The following DCDC1 variants were observed in gnomAD, a reference collection of about 807,000 sequenced individuals.
The protein encoded by DCDC1 is doublecortin domain containing 1.
In DCDC1, 200 loss-of-function variants were observed where a neutral mutation model predicts 178.3. The ratio of observed to expected loss-of-function variants is 1.12; its 90% CI spans 1.00 to 1.26. DCDC1 has a LOEUF of 1.26. DCDC1 is among the 50% of genes most tolerant of loss of function. The pLI is 0.00. For synonymous variants in DCDC1, 690 were observed against 604.8 expected (o/e 1.14, Z -2.07); for missense variants, 1,983 against 1,749.2 (o/e 1.13, Z -2.38).
chr11:31,232,383 T>C (rs978724106), intron 9 of DCDC1, among the ~76,000 whole-genome samples: 1 of 152,152 alleles, frequency 6.6e-6, no homozygotes, highest in Non-Finnish European at 1.5e-5. Context: ...CTGTGAACTT[T>C]AAAAAAATAT....
chr11:31,206,310 A>G (rs1971857771), intron 9 of DCDC1, among the ~76,000 whole-genome samples: 1 of 152,184 alleles, frequency 6.6e-6, no homozygotes, highest in African/African-American at 2.4e-5. Context: ...GTGAAATACA[A>G]AGCATCAGCT....
intron 18 of DCDC1, among the ~76,000 whole-genome samples, chr11:31,075,268 C>T (rs1464429245): frequency 2.0e-5 from 3 of 151,690 alleles, no homozygotes; most frequent in African/African-American, 7.3e-5. Flanking sequence ...GTATATATAC[C>T]ACATTTTCTT....
intron 7 of DCDC1, among the ~76,000 whole-genome samples, chr11:31,267,480 T>C (rs1000303827): frequency 6.6e-6 from 1 of 152,186 alleles, no homozygotes; most frequent in Non-Finnish European, 1.5e-5. Flanking sequence ...GCGTGAGCCA[T>C]CACGCCCAGC....
intron 9 of DCDC1, among the ~76,000 whole-genome samples, chr11:31,228,751 T>TTA (rs1975348439): frequency 6.6e-6 from 1 of 152,076 alleles, no homozygotes; most frequent in Non-Finnish European, 1.5e-5. Context: ...ATAATAAATA[T>TTA]TATAAACATC....
chr11:31,108,843 T>C (rs1959020236), intron 12 of DCDC1, among the ~76,000 whole-genome samples: 1 of 152,138 alleles, frequency 6.6e-6, no homozygotes, highest in South Asian at 2.1e-4. Flanking sequence ...TCTTCACCCA[T>C]TTATCTTTAA....
intron 1 of DCDC1, among the ~76,000 whole-genome samples, chr11:31,359,150 C>T (rs1951563409): frequency 6.6e-6 from 1 of 152,084 alleles, no homozygotes; most frequent in South Asian, 2.1e-4. Context: ...TTTATTGTGG[C>T]ACTATTCACA....
intron 3 of DCDC1, chr11:31,312,851 A>G (rs1948851134): frequency 6.6e-6 from 1 of 152,060 alleles, no homozygotes; most frequent in African/African-American, 2.4e-5. Context: ...TATATAATAT[A>G]TAAACAAAAT....
At chr11:31,227,326 A>AGAG (rs940507191) in intron 9 of DCDC1, among the ~76,000 whole-genome samples, 10 of 152,118 alleles carry the variant, frequency 6.6e-5, no homozygotes, top group Admixed American at 5.9e-4. Context: ...TCAAATGGTA[A>AGAG]GAGGAGGAGC....
At chr11:31,207,195 C>A (rs1478378970) in intron 9 of DCDC1, among the ~76,000 whole-genome samples, 2 of 151,988 alleles carry the variant, frequency 1.3e-5, no homozygotes, top group African/African-American at 4.8e-5. Context: ...TTAAATGAGA[C>A]AACATATGTA....
intron 20 of DCDC1, among the ~76,000 whole-genome samples, chr11:31,037,525 C>T (rs534172971): frequency 1.5e-4 from 22 of 151,416 alleles, no homozygotes; most frequent in Admixed American, 1.3e-3. Flanking sequence ...CTCCGCCTCC[C>T]GGGATACGCC....
intron 21 of DCDC1, 63 bp from the exon 22 acceptor site, chr11:30,932,015 T>C: frequency 7.0e-7 from 1 of 1,432,712 alleles, no homozygotes; most frequent in South Asian, 1.5e-5. Context: ...TCTAGATTTT[T>C]AAAAATATTA....
At chr11:31,295,269 C>CT (rs932138865) in intron 6 of DCDC1, among the ~76,000 whole-genome samples, 1 of 151,954 alleles carries the variant, frequency 6.6e-6, no homozygotes, top group South Asian at 2.1e-4. Context: ...TTTTATAGCT[C>CT]TTTTTTTCTG....
chr11:31,360,157 A>G (rs1487722088), intron 1 of DCDC1, among the ~76,000 whole-genome samples: 1 of 152,224 alleles, frequency 6.6e-6, no homozygotes, highest in African/African-American at 2.4e-5. Flanking sequence ...GAGAAGATAC[A>G]GCTATTTATA....
chr11:31,168,208 T>C (rs1338053569), intron 9 of DCDC1, among the ~76,000 whole-genome samples: 2 of 152,164 alleles, frequency 1.3e-5, no homozygotes, highest in Admixed American at 6.5e-5. Flanking sequence ...CCTTTGATTG[T>C]TATTTATTTA....
intron 7 of DCDC1, among the ~76,000 whole-genome samples, chr11:31,286,284 G>T (rs1946827412): frequency 6.6e-6 from 1 of 151,988 alleles, no homozygotes; most frequent in Non-Finnish European, 1.5e-5. Context: ...AAAAACTGTG[G>T]TCCTTTTGCC....
chr11:31,114,758 T>A (rs1050345249), intron 11 of DCDC1, among the ~76,000 whole-genome samples: 2 of 152,144 alleles, frequency 1.3e-5, no homozygotes, highest in Admixed American at 6.5e-5. Context: ...GGGGAATCAC[T>A]GCCGGGTTTG....
chr11:30,874,987 C>A (rs1044154166), intron 38 of DCDC1, among the ~76,000 whole-genome samples: 7 of 152,184 alleles, frequency 4.6e-5, no homozygotes, highest in African/African-American at 1.7e-4. Flanking sequence ...TTCTTCCTCT[C>A]TCCTTCAACC....
chr11:31,327,715 T>C (rs1949722947), intron 3 of DCDC1, among the ~76,000 whole-genome samples: 1 of 152,040 alleles, frequency 6.6e-6, no homozygotes, highest in Admixed American at 6.5e-5. Context: ...AAGTTACTTA[T>C]TTATATCACC....
chr11:31,151,955 T>G (rs1262026403), intron 9 of DCDC1, among the ~76,000 whole-genome samples: 1 of 152,202 alleles, frequency 6.6e-6, no homozygotes, highest in Non-Finnish European at 1.5e-5. Flanking sequence ...ATTTTAAATG[T>G]TCTCACCACA....
Sources: gnomAD v4.1 joint callset for allele counts (sites outside exome capture counted in the v4.1 genomes callset) on GRCh38, gnomAD v4.1.1 for gene constraint, MANE v1.5 for transcripts, NCBI Gene and HGNC (gene_info 2026-07-23, HGNC 2026-07-21) for gene names.